DHX37: variants seen among roughly 807,000 people sequenced by gnomAD.
DHX37 encodes the protein DEAH-box helicase 37.
DHX37 carries 52 observed loss-of-function variants against 134.3 expected under a neutral mutation model. The observed-to-expected ratio is 0.39, with a 90% confidence interval of 0.31 to 0.49. The LOEUF is 0.49. DHX37 is among the 20% of genes least tolerant of loss of function. The probability of loss-of-function intolerance (pLI) is 0.93; values close to 1 mark genes in which losing one functional copy is unlikely to be tolerated. For missense variants in DHX37, 1,344 were observed against 1,580.8 expected (o/e 0.85, Z 2.54); for synonymous variants, 634 against 670.7 (o/e 0.95, Z 0.85).
chr12:124,957,084 C>T lies in DHX37; in HGVS notation c.2209G>A (p.Ala737Thr), dbSNP rs199752789. ...CCCAGTGCGATCAACAGCTCCTCGG[C>T]GGCAAGAAGGGCTTCCACGGAGGGG... ...TPPSVEALLA[A>T]EELLIALGAL... Residue 737 changes from alanine (A) to threonine (T), a missense_variant, in exon 17 of 27, where the codon GCC becomes ACC. Physicochemically the swap from Ala to Thr is moderately conservative, Grantham distance 58. Around this residue, in one of 7 missense-constraint regions of DHX37, gnomAD observed 558 missense variants for 650.0 expected, o/e 0.86. Coordinates refer to ENST00000308736, the MANE Select transcript of DHX37 (RefSeq NM_032656.4). 10 of 1,496,742 alleles carry T rather than the reference C, an allele frequency of 6.7e-6. No individual in the cohort carries two copies. In the South Asian group the frequency reaches 8.3e-5, roughly 12 times the overall value. The allele number at this position is 1,496,742 out of a possible 1,614,324, so 92.7% of individuals were successfully genotyped here.
In DHX37 at chr12:124,980,394, G is replaced by C. The variant is rs770030991; in HGVS notation, c.738+96C>G. ...TCCCAGATGGGGACATGGAGGCACA[G>C]AGAAGGGATGCCCTTGCCCCACTTC... On this transcript the variant is annotated intron_variant, in intron 4 of 26. Transcript: ENST00000308736. This position sits in a 1 kb window ranked among gnomAD's most constrained non-coding sequence, Gnocchi z 5.3. 22 of 1,353,232 alleles carry C rather than the reference G, an allele frequency of 1.6e-5. No homozygotes were observed. The highest frequency in any genetic ancestry group is 1.9e-5 in the Non-Finnish European group (19 of 1,001,316). 83.8% of individuals were successfully genotyped at this position (1,353,232 alleles called of 1,614,324 possible).
chr12:124,950,641 CATTA>C lies in DHX37; in HGVS notation c.2983+45_2983+48del. On this transcript the variant is annotated intron_variant, in intron 22 of 26. Transcript: ENST00000308736. ...TGCCCCAGGGTCCCAGCCACACCCC[CATTA>C]GCGTCACCATCGGGGGACAAGGGGC... is the stretch of plus-strand genomic sequence containing the variant. The C allele has an allele frequency of 1.9e-6, 3 of 1,599,554 alleles. No individual in the cohort carries two copies. The East Asian group carries it at 6.7e-5, about 36-fold the overall frequency.
intron 15 of DHX37, among the ~76,000 whole-genome samples, chr12:124,961,289 T>TGCACGCACGCACACAC (rs1238176640): frequency 6.1e-5 from 5 of 81,890 alleles, no homozygotes; most frequent in African/African-American, 2.3e-4. Context: ...CACACACACT[T>TGCACGCACGCACACAC]ACACGCGTGC....
intron 15 of DHX37, among the ~76,000 whole-genome samples, chr12:124,963,878 C>CAAAAA (rs71092251): frequency 3.3e-5 from 3 of 91,662 alleles, no homozygotes; most frequent in African/African-American, 7.7e-5. Context: ...AGACTCGTCT[C>CAAAAA]AAAAAAAAAA....
chr12:124,980,805 C>G lies in DHX37; in HGVS notation c.423G>C (p.Glu141Asp). 1 of 1,557,448 alleles carries G rather than the reference C, an allele frequency of 6.4e-7. No homozygotes were observed. The change falls in exon 4 of 27, where the codon GAG becomes GAC. Residue 141 changes from glutamate to aspartate, a missense_variant. Glu to Asp is a conservative substitution (Grantham distance 45). This residue lies in a region of DHX37 where 319 missense variants were observed against 296.1 expected (regional missense o/e 1.08). Transcript: ENST00000308736. The surrounding 1 kb of genome is among the most constrained non-coding windows in gnomAD (Gnocchi z 5.3). ...GGGCACCGCTGAGGCTACTGATCTTCTCCTGGCCCGGGGCTACCACCTCGT... is the reference window on the plus strand; with the variant it reads ...GGGCACCGCTGAGGCTACTGATCTTGTCCTGGCCCGGGGCTACCACCTCGT... Reference protein sequence around the residue: ...KADEVVAPGQEKISSLSGAHR... With the variant: ...KADEVVAPGQDKISSLSGAHR...
chr12:124,964,843 T>C lies in DHX37; in HGVS notation c.1812+87A>G. ...CTGGGGATGCTGATCAAACAGCAGA[T>C]GGAGAGGACCACCAAGGGCTTGACC... is the stretch of plus-strand genomic sequence containing the variant. On this transcript the variant is annotated intron_variant, in intron 14 of 26. Transcript: ENST00000308736. 3 of 1,466,766 alleles carry C rather than the reference T, an allele frequency of 2.0e-6. No homozygotes were observed. The South Asian group carries it at 3.8e-5, about 19-fold the overall frequency. 90.9% of individuals were successfully genotyped at this position (1,466,766 alleles called of 1,614,324 possible).
chr12:124,971,494 G>A (rs2135954846), intron 7 of DHX37, 79 bp from the exon 8 acceptor site: 3 of 1,556,594 alleles, frequency 1.9e-6, no homozygotes, highest in South Asian at 2.3e-5. Flanking sequence ...ACTCCCACTT[G>A]AGGAGACAGT....
chr12:124,977,933 ACT>A (rs1020804083), intron 4 of DHX37, among the ~76,000 whole-genome samples: 2 of 152,116 alleles, frequency 1.3e-5, no homozygotes, highest in African/African-American at 4.8e-5. Flanking sequence ...TTATATCATG[ACT>A]CAGTACACAC....
At chr12:124,988,235 C>G (rs935089857) in intron 1 of DHX37, among the ~76,000 whole-genome samples, 14 of 151,988 alleles carry the variant, frequency 9.2e-5, no homozygotes, top group Non-Finnish European at 2.1e-4. Context: ...AGTCCAGGCC[C>G]GACCTGCCCT....
chr12:124,964,485 C>T lies in DHX37; in HGVS notation c.1954G>A (p.Val652Ile), dbSNP rs141344600. The change falls in exon 15 of 27, where the codon GTA becomes ATA. Residue 652 changes from valine (V) to isoleucine (I), a missense_variant. Val to Ile is a conservative substitution (Grantham distance 29). Coordinates refer to ENST00000308736, the MANE Select transcript of DHX37 (RefSeq NM_032656.4). ...KKRYYDRVTG[V>I]SSFRVTWVSQ... The stretch of plus-strand genomic sequence containing the variant: ...ACCCAGGTGACACGGAAGGAGGATA[C>T]GCCAGTGACGCGGTCGTAGTAGCGT... The T allele has an allele frequency of 1.7e-5, 28 of 1,614,204 alleles. No homozygotes were observed. In the African/African-American group the frequency reaches 2.5e-4, roughly 15 times the overall value.
chr12:124,987,583 G>C (rs927407860), intron 1 of DHX37, among the ~76,000 whole-genome samples: 1 of 152,140 alleles, frequency 6.6e-6, no homozygotes, highest in Non-Finnish European at 1.5e-5. Context: ...CATCATAACG[G>C]TTGTCACCTG....
chr12:124,964,890 A>G (rs1227133803), intron 14 of DHX37, 40 bp downstream of exon 14: 23 of 1,560,504 alleles, frequency 1.5e-5, no homozygotes, highest in Non-Finnish European at 2.0e-5. Flanking sequence ...AATGCCCTTA[A>G]AAGTGCCCCA....
At chr12:124,957,449 G>A (rs1304544562) in intron 16 of DHX37, among the ~76,000 whole-genome samples, 1 of 152,198 alleles carries the variant, frequency 6.6e-6, no homozygotes, top group African/African-American at 2.4e-5. Context: ...AGGACTGAGC[G>A]TCATTTGACC....
At chr12:124,988,869 C>A (rs1010580018) in intron 1 of DHX37, 48 bp downstream of exon 1, 9 of 1,217,330 alleles carry the variant, frequency 7.4e-6, no homozygotes, top group Admixed American at 3.1e-5. Flanking sequence ...GGGCACAGGC[C>A]GCCCTGGGAA....
intron 21 of DHX37, among the ~76,000 whole-genome samples, chr12:124,951,322 G>A (rs1953973730): frequency 1.3e-5 from 2 of 151,026 alleles, no homozygotes; most frequent in South Asian, 2.1e-4. Context: ...CTGCCATGGC[G>A]TGGATGGGGC....
intron 6 of DHX37, among the ~76,000 whole-genome samples, chr12:124,975,023 G>A (rs545491758): frequency 6.6e-6 from 1 of 152,268 alleles, no homozygotes; most frequent in South Asian, 2.1e-4. Flanking sequence ...TGATCTGCCC[G>A]CCTTGGCCTC....
intron 18 of DHX37, 23 bp downstream of exon 18, chr12:124,956,668 G>A: frequency 2.6e-6 from 4 of 1,523,060 alleles, no homozygotes; most frequent in Non-Finnish European, 3.5e-6. Flanking sequence ...TTGGCCCTGA[G>A]TGCCCAGCCG....
At chr12:124,959,781 T>C (rs1044392900) in intron 16 of DHX37, among the ~76,000 whole-genome samples, 6 of 152,236 alleles carry the variant, frequency 3.9e-5, no homozygotes, top group African/African-American at 1.4e-4. Flanking sequence ...TAAAAGGCAC[T>C]AGGAGACCAT....
At chr12:124,964,030 A>G (rs1379155440) in intron 15 of DHX37, among the ~76,000 whole-genome samples, 1 of 151,522 alleles carries the variant, frequency 6.6e-6, no homozygotes, top group Non-Finnish European at 1.5e-5. Context: ...AAATACATAT[A>G]ATAAAAATAC....
Sources: gnomAD v4.1 joint callset for allele counts (sites outside exome capture counted in the v4.1 genomes callset) on GRCh38, gnomAD v4.1.1 for gene constraint, gnomAD v4.1.1 regional missense constraint, Gnocchi (gnomAD v3.1) non-coding constraint, MANE v1.5 for transcripts, NCBI Gene and HGNC (gene_info 2026-07-23, HGNC 2026-07-21) for gene names.